NCKAP5: variants seen among roughly 807,000 people sequenced by gnomAD.
The protein encoded by NCKAP5 is nck-associated protein 5.
Under a neutral mutation model 167.0 loss-of-function variants are expected in NCKAP5, and 92 were observed. The ratio of observed to expected loss-of-function variants is 0.55; its 90% confidence interval spans 0.47 to 0.66. The LOEUF is 0.66. NCKAP5 is among the 30% of genes least tolerant of loss of function. The pLI is 0.00. For missense variants in NCKAP5, 2,378 were observed against 2,315.0 expected (o/e 1.03, Z -0.56); for synonymous variants, 891 against 877.4 (o/e 1.02, Z -0.27).
At chr2:133,539,376 C>T (rs1686041599) in intron 2 of NCKAP5, among the ~76,000 whole-genome samples, 1 of 152,056 alleles carries the variant, frequency 6.6e-6, no homozygotes, top group African/African-American at 2.4e-5. Context: ...TGAGAGGAAG[C>T]TCCAATTCAA....
chr2:133,584,951 AAG>A, the NCKAP5 span, among the ~76,000 whole-genome samples: 1 of 129,098 alleles, frequency 7.7e-6, no homozygotes, highest in Non-Finnish European at 1.7e-5. Flanking sequence ...AGAAGGAAGG[AAG>A]GAAGGAAGGA....
intron 11 of NCKAP5, among the ~76,000 whole-genome samples, chr2:132,814,341 T>C (rs1686105588): frequency 6.6e-6 from 1 of 152,228 alleles, no homozygotes; most frequent in South Asian, 2.1e-4. Flanking sequence ...TTGTTATTTA[T>C]GTGGCTTCCT....
chr2:133,127,056 A>C (rs1444185236), intron 6 of NCKAP5, among the ~76,000 whole-genome samples: 22 of 152,166 alleles, frequency 1.4e-4, no homozygotes, highest in Admixed American at 1.4e-3. Context: ...TTGGCCCAAG[A>C]GAAAAAAAGA....
At chr2:132,673,422 C>G in intron 19 of NCKAP5, 117 bp from the exon 20 acceptor site, 2 of 798,908 alleles carry the variant, frequency 2.5e-6, no homozygotes, top group East Asian at 6.5e-5. Context: ...AGAAAACCTA[C>G]AAGTCTTTAA....
chr2:133,491,811 G>A (rs372654942), intron 3 of NCKAP5, among the ~76,000 whole-genome samples: 9 of 152,294 alleles, frequency 5.9e-5, no homozygotes, highest in South Asian at 2.1e-4. Flanking sequence ...GTCACTTCCC[G>A]CAGAGACCGT....
intron 8 of NCKAP5, among the ~76,000 whole-genome samples, chr2:132,941,093 C>A (rs1004224720): frequency 1.3e-5 from 2 of 152,122 alleles, no homozygotes; most frequent in Non-Finnish European, 2.9e-5. Context: ...GGCCAAGTCC[C>A]CACAACTGTC....
chr2:133,509,343 A>C (rs1553431129), intron 3 of NCKAP5, among the ~76,000 whole-genome samples: 1 of 152,248 alleles, frequency 6.6e-6, no homozygotes, highest in Non-Finnish European at 1.5e-5. Flanking sequence ...TCTCTGATGT[A>C]AAACAAACAA....
chr2:133,219,797 A>T (rs2086584230), intron 4 of NCKAP5, among the ~76,000 whole-genome samples: 1 of 152,102 alleles, frequency 6.6e-6, no homozygotes, highest in Admixed American at 6.5e-5. Context: ...GGAAGTGGTG[A>T]AGTTCTTGAC....
the NCKAP5 span, among the ~76,000 whole-genome samples, chr2:133,598,723 G>T: frequency 1.3e-5 from 2 of 152,178 alleles, no homozygotes; most frequent in African/African-American, 2.4e-5. Context: ...CAGGATTCTG[G>T]CTAGGGCGAA....
At chr2:133,132,524 G>C (rs959000262) in intron 5 of NCKAP5, among the ~76,000 whole-genome samples, 1 of 123,092 alleles carries the variant, frequency 8.1e-6, no homozygotes, top group Admixed American at 7.9e-5. Flanking sequence ...CACAAACCCT[G>C]ATAACACAGA....
At chr2:133,548,333 A>G (rs547123107) in intron 2 of NCKAP5, among the ~76,000 whole-genome samples, 94 of 152,266 alleles carry the variant, frequency 6.2e-4, no homozygotes, top group South Asian at 1.7e-3. Context: ...AACTTCCCCA[A>G]TCTAGCAAGG....
chr2:133,164,910 C>T (rs1465461291), intron 5 of NCKAP5, among the ~76,000 whole-genome samples: 4 of 152,196 alleles, frequency 2.6e-5, no homozygotes, highest in South Asian at 2.1e-4. Context: ...AGGCACAGGA[C>T]GTCTGTATCA....
intron 6 of NCKAP5, among the ~76,000 whole-genome samples, chr2:133,084,746 T>C (rs758138836): frequency 3.3e-5 from 5 of 152,194 alleles, no homozygotes; most frequent in Middle Eastern, 3.2e-3. Context: ...ACAGCCACCA[T>C]TCATGACCTC....
At chr2:133,326,974 A>T (rs1682498371) in intron 3 of NCKAP5, among the ~76,000 whole-genome samples, 1 of 152,228 alleles carries the variant, frequency 6.6e-6, no homozygotes, top group Non-Finnish European at 1.5e-5. Context: ...CCTGGGAACC[A>T]CATTCTGAGT....
intron 1 of NCKAP5, among the ~76,000 whole-genome samples, chr2:133,562,682 A>AT (rs1688248371): frequency 1.3e-5 from 2 of 152,190 alleles, no homozygotes; most frequent in African/African-American, 4.8e-5. Flanking sequence ...CTGGGCTTCT[A>AT]CAATGCATCC....
intron 11 of NCKAP5, among the ~76,000 whole-genome samples, chr2:132,836,234 C>T (rs911668418): frequency 6.6e-6 from 1 of 152,174 alleles, no homozygotes; most frequent in African/African-American, 2.4e-5. Context: ...ACTAAGCTCT[C>T]CCATCACATG....
At chr2:133,285,795 T>G (rs934856904) in intron 4 of NCKAP5, among the ~76,000 whole-genome samples, 1 of 152,150 alleles carries the variant, frequency 6.6e-6, no homozygotes, top group African/African-American at 2.4e-5. Context: ...GTACATATTT[T>G]CTCATGAGCT....
At chr2:133,569,232 T>C (rs1688762015), upstream of NCKAP5, among the ~76,000 whole-genome samples, 1 of 152,052 alleles carries the variant, frequency 6.6e-6, no homozygotes, top group South Asian at 2.1e-4. Flanking sequence ...TCTCATGGAA[T>C]CTCTCTTCTG....
chr2:133,528,864 G>T (rs10165238), intron 2 of NCKAP5, among the ~76,000 whole-genome samples: 21,922 of 152,094 alleles, frequency 0.14, 2,541 homozygotes, highest in African/African-American at 0.32. Context: ...TCTTCTTGCC[G>T]CTTCCAGTGA....
Sources: gnomAD v4.1 joint callset for allele counts (sites outside exome capture counted in the v4.1 genomes callset) on GRCh38, gnomAD v4.1.1 for gene constraint, MANE v1.5 for transcripts, NCBI Gene and HGNC (gene_info 2026-07-23, HGNC 2026-07-21) for gene names.